The following CAST variants were observed in gnomAD, a reference collection of about 807,000 sequenced individuals.
CAST encodes MIR583 host.
In CAST, 76 loss-of-function variants were observed where a neutral mutation model predicts 119.6. The observed-to-expected ratio is 0.64, with a 90% confidence interval of 0.53 to 0.77. The LOEUF (loss-of-function observed/expected upper bound fraction) is 0.77. Among genes scored for constraint, CAST ranks in the 30% least tolerant of loss-of-function variants. CAST has a pLI of 0.00. For synonymous variants in CAST, 319 were observed against 331.6 expected, an observed-to-expected ratio of 0.96 and a Z score of 0.41; for missense variants, 953 against 946.5, an observed-to-expected ratio of 1.01 and a Z score of -0.09.
chr5:96,625,266 CTCTT>C (rs1046858488), intron 1 of CAST, among the ~76,000 whole-genome samples: 4 of 152,186 alleles, frequency 2.6e-5, no homozygotes, highest in African/African-American at 7.2e-5. Context: ...TTTATTCTCT[CTCTT>C]TCTCTCTCCC....
the CAST span, chr5:95,961,601 C>G: frequency 6.2e-7 from 1 of 1,605,350 alleles, no homozygotes. Context: ...GTCTCGAGCG[C>G]CCGGATCGCC....
chr5:96,713,991 C>T (rs561983081), intron 3 of CAST, among the ~76,000 whole-genome samples: 1 of 152,076 alleles, frequency 6.6e-6, no homozygotes, highest in East Asian at 1.9e-4. Flanking sequence ...AAAAAAAACA[C>T]AGTGGTCAGC....
intron 1 of CAST, among the ~76,000 whole-genome samples, chr5:96,648,280 A>G (rs915564810): frequency 6.6e-6 from 1 of 152,072 alleles, no homozygotes; most frequent in African/African-American, 2.4e-5. Context: ...TCACTTCCTT[A>G]TTGGTCTTTC....
intron 13 of CAST, 84 bp from the exon 14 acceptor site, chr5:96,741,182 C>T (rs1561556564): frequency 2.6e-6 from 2 of 760,204 alleles, no homozygotes; most frequent in Middle Eastern, 3.2e-4. Context: ...TGGAAAAGTG[C>T]ATTCTTCATT....
intron 3 of CAST, among the ~76,000 whole-genome samples, chr5:96,719,618 G>A (rs1041104346): frequency 1.3e-5 from 2 of 152,192 alleles, no homozygotes; most frequent in Non-Finnish European, 1.5e-5. Context: ...AGGTACATGG[G>A]TCATTTGGGA....
chr5:96,393,470 G>A, the CAST span: 3 of 1,456,122 alleles, frequency 2.1e-6, no homozygotes, highest in South Asian at 3.5e-5. Context: ...AACGCTGCCT[G>A]CCGCTTGAGA....
At chr5:95,963,001 C>T in the CAST span, among the ~76,000 whole-genome samples, 1 of 152,034 alleles carries the variant, frequency 6.6e-6, no homozygotes, top group Non-Finnish European at 1.5e-5. Flanking sequence ...ATCTGGAGTC[C>T]CTTTCAGATT....
chr5:96,473,305 G>A, the CAST span, among the ~76,000 whole-genome samples: 13 of 152,170 alleles, frequency 8.5e-5, no homozygotes, highest in Non-Finnish European at 1.6e-4. Context: ...TTTTCACAGG[G>A]GAAGTAAAAG....
At chr5:96,721,135 A>C (rs1281403393) in intron 3 of CAST, among the ~76,000 whole-genome samples, 1 of 152,190 alleles carries the variant, frequency 6.6e-6, no homozygotes, top group East Asian at 1.9e-4. Flanking sequence ...TCAGTACCAA[A>C]AAGAATATGA....
At chr5:96,550,940 A>G (rs1361860685) in intron 1 of CAST, among the ~76,000 whole-genome samples, 1 of 152,256 alleles carries the variant, frequency 6.6e-6, no homozygotes, top group African/African-American at 2.4e-5. Flanking sequence ...TTTACATTTG[A>G]TTAGTGTACC....
chr5:96,128,274 A>G, the CAST span, among the ~76,000 whole-genome samples: 2 of 152,056 alleles, frequency 1.3e-5, no homozygotes, highest in African/African-American at 2.4e-5. Context: ...AATATTTTCT[A>G]AACTTTTCTG....
chr5:96,231,783 A>G, the CAST span, among the ~76,000 whole-genome samples: 2 of 151,838 alleles, frequency 1.3e-5, no homozygotes, highest in Admixed American at 6.6e-5. Context: ...TAAAAAGGCA[A>G]AAAAAAAGCA....
intron 1 of CAST, among the ~76,000 whole-genome samples, chr5:96,555,641 C>A (rs1189073742): frequency 3.3e-5 from 5 of 152,206 alleles, no homozygotes; most frequent in African/African-American, 1.2e-4. Flanking sequence ...GCATAGCAGT[C>A]TGAGATCTAA....
chr5:96,760,944 A>T (rs1767735054), intron 24 of CAST: 1 of 152,090 alleles, frequency 6.6e-6, no homozygotes, highest in African/African-American at 2.4e-5. Flanking sequence ...CAGTACTTTT[A>T]GGTAAGATTA....
chr5:96,095,763 G>T, the CAST span, among the ~76,000 whole-genome samples: 1 of 151,628 alleles, frequency 6.6e-6, no homozygotes, highest in South Asian at 2.1e-4. Flanking sequence ...TTTCTTCCTT[G>T]TCCCTATCTT....
intron 2 of CAST, among the ~76,000 whole-genome samples, chr5:96,687,938 G>A (rs1201181092): frequency 6.6e-6 from 1 of 152,036 alleles, no homozygotes; most frequent in Non-Finnish European, 1.5e-5. Flanking sequence ...AATGACTGGC[G>A]AATTTAAAAG....
chr5:96,458,771 T>C, the CAST span, among the ~76,000 whole-genome samples: 2 of 152,100 alleles, frequency 1.3e-5, no homozygotes, highest in Non-Finnish European at 2.9e-5. Context: ...GAATTAATTC[T>C]TTTTTAGTAT....
At chr5:96,168,053 C>A in the CAST span, among the ~76,000 whole-genome samples, 3 of 152,150 alleles carry the variant, frequency 2.0e-5, no homozygotes, top group African/African-American at 7.2e-5. Context: ...GAAATGATGA[C>A]AGAATAGAAT....
chr5:96,673,008 T>C (rs1170666442), intron 1 of CAST, among the ~76,000 whole-genome samples: 1 of 152,174 alleles, frequency 6.6e-6, no homozygotes, highest in Non-Finnish European at 1.5e-5. Context: ...AGAGTGAGAC[T>C]CTGTGGAGAG....
Sources: allele counts gnomAD v4.1 joint callset (sites outside exome capture counted in the v4.1 genomes callset), GRCh38; gene constraint gnomAD v4.1.1; transcripts MANE v1.5; gene names NCBI Gene and HGNC (gene_info 2026-07-23, HGNC 2026-07-21).